The following DPH6 variants were observed in gnomAD, a reference collection of about 807,000 sequenced individuals.
DPH6 encodes the protein diphthamine biosynthesis 6.
A neutral mutation model predicts 38.2 loss-of-function variants in DPH6; 33 were observed. The observed-to-expected ratio is 0.86, with a 90% CI of 0.65 to 1.15. The LOEUF is 1.15. Ranked by LOEUF, DPH6 falls within the 50% of genes most tolerant of loss-of-function variation. DPH6 has a pLI of 0.00. For missense variants in DPH6, 325 were observed against 320.0 expected, an observed-to-expected ratio of 1.02 and a Z score of -0.12; for synonymous variants, 108 against 103.0, an observed-to-expected ratio of 1.05 and a Z score of -0.30.
At chr15:35,500,450 A>C (rs1384320771) in intron 3 of DPH6, among the ~76,000 whole-genome samples, 1 of 152,200 alleles carries the variant, frequency 6.6e-6, no homozygotes. Flanking sequence ...ATCAAGGAGA[A>C]TGAGAGCACT....
chr15:35,399,737 C>CT (rs750162508), intron 6 of DPH6, among the ~76,000 whole-genome samples: 33 of 152,308 alleles, frequency 2.2e-4, no homozygotes, highest in Non-Finnish European at 4.1e-4. Flanking sequence ...TGAAGCAATA[C>CT]TATCAACATC....
chr15:35,194,547 C>T, the DPH6 span, among the ~76,000 whole-genome samples: 1 of 152,198 alleles, frequency 6.6e-6, no homozygotes, highest in Non-Finnish European at 1.5e-5. Flanking sequence ...ATGTCTCATA[C>T]TTAATAATAA....
At chr15:35,387,899 G>A (rs1175926385) in intron 6 of DPH6, among the ~76,000 whole-genome samples, 3 of 152,254 alleles carry the variant, frequency 2.0e-5, no homozygotes, top group East Asian at 3.9e-4. Context: ...AGTGGTGAGA[G>A]AGGGCATCCC....
chr15:35,458,162 C>T (rs1354786281), intron 3 of DPH6, among the ~76,000 whole-genome samples: 1 of 152,056 alleles, frequency 6.6e-6, no homozygotes, highest in Non-Finnish European at 1.5e-5. Context: ...GGTTCTTCCT[C>T]ATAATATTTT....
rs183623711 is a variant in DPH6, at chr15:35,404,707, C to T, written c.567+6128G>A. Among the ~76,000 whole-genome samples the T allele has an allele frequency of 1.7e-3, 262 of 152,218 alleles. 1 individual carries two copies. Among genetic ancestry groups the T allele is most frequent in the Non-Finnish European group, 3.0e-3 (201 of 68,002 alleles). On this transcript the variant is annotated intron_variant, in intron 6 of 8. Coordinates refer to ENST00000256538, the MANE Select transcript of DPH6 (RefSeq NM_080650.4). ...TGCACTTTGTTGATTGTTTCCTTCG[C>T]TGTGCAGCTTTTTAACTTGATGCAA...
intron 3 of DPH6, chr15:35,519,173 A>G (rs2054887466): frequency 6.6e-6 from 1 of 151,914 alleles, no homozygotes; most frequent in Admixed American, 6.6e-5. Flanking sequence ...AAGGTAACCA[A>G]AAAGAGAAAA....
At chr15:35,475,431 G>T (rs961320585) in intron 3 of DPH6, among the ~76,000 whole-genome samples, 1 of 151,936 alleles carries the variant, frequency 6.6e-6, no homozygotes, top group African/African-American at 2.4e-5. Context: ...AACCTAATCA[G>T]AGCCAGGATT....
chr15:35,527,704 C>A (rs2055025369), intron 3 of DPH6, among the ~76,000 whole-genome samples: 1 of 152,082 alleles, frequency 6.6e-6, no homozygotes, highest in African/African-American at 2.4e-5. Context: ...TCAGGAAAGG[C>A]ATGGACCGTA....
intron 3 of DPH6, among the ~76,000 whole-genome samples, chr15:35,248,882 C>T (rs151007205): frequency 2.6e-5 from 4 of 152,040 alleles, no homozygotes; most frequent in South Asian, 2.1e-4. Context: ...GAAATCATTC[C>T]CAGTAATGGT....
At chr15:35,476,222 A>G (rs1036385815) in intron 3 of DPH6, among the ~76,000 whole-genome samples, 4 of 151,850 alleles carry the variant, frequency 2.6e-5, no homozygotes, top group African/African-American at 9.7e-5. Flanking sequence ...GATTTTAAAC[A>G]AGATTCCTAA....
intron 5 of DPH6, among the ~76,000 whole-genome samples, chr15:35,421,916 T>TA (rs1244946348): frequency 1.3e-5 from 2 of 151,894 alleles, no homozygotes; most frequent in Non-Finnish European, 2.9e-5. Context: ...GGTGCTGCAA[T>TA]AGACTAGATG....
intron 3 of DPH6, chr15:35,522,040 G>A: frequency 6.3e-7 from 1 of 1,581,378 alleles, no homozygotes; most frequent in Non-Finnish European, 8.6e-7. Flanking sequence ...CAATTAGTAT[G>A]TCTAAGTTTT....
At chr15:35,463,043 ATTT>A (rs542591363) in intron 3 of DPH6, among the ~76,000 whole-genome samples, 1 of 152,198 alleles carries the variant, frequency 6.6e-6, no homozygotes, top group African/African-American at 2.4e-5. Context: ...TTAATAGGTA[ATTT>A]TTAAGAGAAT....
chr15:35,400,862 G>C, intron 6 of DPH6: 1 of 829,674 alleles, frequency 1.2e-6, no homozygotes, highest in Non-Finnish European at 2.1e-6. Context: ...AGGGGCTTTG[G>C]GTTTGTCTCA....
chr15:35,362,193 T>C lies in DPH6; in HGVS notation n.207+11328A>G, dbSNP rs367667056. Among the ~76,000 whole-genome samples, 17 of 152,286 alleles carry C rather than the reference T, an allele frequency of 1.1e-4. 3 individuals carry two copies. Among genetic ancestry groups the C allele is most frequent in the Admixed American group, 2.0e-4 (3 of 15,302 alleles). On this transcript the variant is annotated intron_variant and non_coding_transcript_variant, in intron 3 of 3. Transcript: ENST00000558973. ...CATGTAATTTCACAAGGAGAGAAGT[T>C]TTCCAGTTTCCTTTTCAGAAGCTTG...
At chr15:35,493,517 G>C (rs888412116) in intron 3 of DPH6, among the ~76,000 whole-genome samples, 1 of 152,146 alleles carries the variant, frequency 6.6e-6, no homozygotes, top group African/African-American at 2.4e-5. Flanking sequence ...ACAGGAGAAA[G>C]ATGAGGAAGT....
chr15:35,523,809 T>C (rs761684636), intron 3 of DPH6, among the ~76,000 whole-genome samples: 16 of 152,086 alleles, frequency 1.1e-4, no homozygotes, highest in Non-Finnish European at 1.9e-4. Context: ...TGTGTCACTT[T>C]TGAGAAAAGC....
At chr15:35,318,315 A>G (rs1377854676) in intron 3 of DPH6, among the ~76,000 whole-genome samples, 1 of 152,140 alleles carries the variant, frequency 6.6e-6, no homozygotes, top group South Asian at 2.1e-4. Flanking sequence ...TCTAAATTTG[A>G]TTTCACATAT....
intron 3 of DPH6, among the ~76,000 whole-genome samples, chr15:35,359,853 G>T (rs1445789903): frequency 6.6e-6 from 1 of 151,880 alleles, no homozygotes; most frequent in Non-Finnish European, 1.5e-5. Context: ...CCATCTGGTT[G>T]TTTTTTTAAG....
Sources: gnomAD v4.1 joint callset for allele counts (sites outside exome capture counted in the v4.1 genomes callset) on GRCh38, gnomAD v4.1.1 for gene constraint, MANE v1.5 for transcripts, NCBI Gene and HGNC (gene_info 2026-07-23, HGNC 2026-07-21) for gene names.